The following DGKH variants were observed in gnomAD, a reference collection of about 807,000 sequenced individuals.
The protein encoded by DGKH is diacylglycerol kinase eta.
In DGKH, 90 loss-of-function variants were observed where a neutral mutation model predicts 159.3. The ratio of observed to expected loss-of-function variants is 0.57; its 90% CI spans 0.48 to 0.67. The LOEUF (loss-of-function observed/expected upper bound fraction) is 0.67. Ranked by LOEUF, DGKH falls within the 30% of genes least tolerant of loss-of-function variation. DGKH has a pLI of 0.00. For missense variants in DGKH, 1,181 were observed against 1,506.1 expected, an observed-to-expected ratio of 0.78 and a Z score of 3.57; for synonymous variants, 536 against 553.8, an observed-to-expected ratio of 0.97 and a Z score of 0.45.
chr13:42,179,650 C>T (rs966353156), intron 13 of DGKH, among the ~76,000 whole-genome samples: 3 of 151,828 alleles, frequency 2.0e-5, no homozygotes, highest in African/African-American at 4.8e-5. Context: ...TGTGGTGGTG[C>T]TTGCCTGTAG....
intron 1 of DGKH, among the ~76,000 whole-genome samples, chr13:42,103,430 A>G (rs915579054): frequency 1.3e-5 from 2 of 152,224 alleles, no homozygotes; most frequent in African/African-American, 4.8e-5. Flanking sequence ...CAGTTAACAA[A>G]AAAACCCACA....
At chr13:42,127,400 CTGAATTTCATTTGGTTT>C in intron 1 of DGKH, 46 bp from the exon 2 acceptor site, 1 of 1,216,350 alleles carries the variant, frequency 8.2e-7, no homozygotes, top group East Asian at 2.4e-5. Flanking sequence ...ACCATTGGCT[CTGAATTTCATTTGGTTT>C]TGAATTTCAT....
At chr13:42,049,851 G>T (rs778896917) in intron 1 of DGKH, among the ~76,000 whole-genome samples, 1 of 152,202 alleles carries the variant, frequency 6.6e-6, no homozygotes, top group Non-Finnish European at 1.5e-5. Context: ...GGATATTAAA[G>T]GATTTTTATG....
In DGKH at chr13:42,172,052, T is replaced by C. The variant is rs566529377; in HGVS notation, c.1368-2008T>C. ...ACCATGTTAGCCAGGATGGTCTTGATCTCCTGACCTCGTGATCCGCCCGCC... is the reference window on the plus strand; with the variant it reads ...ACCATGTTAGCCAGGATGGTCTTGACCTCCTGACCTCGTGATCCGCCCGCC... On this transcript the variant is annotated intron_variant, in intron 11 of 29. Coordinates refer to ENST00000337343, the MANE Select transcript of DGKH (RefSeq NM_178009.5). Among the ~76,000 whole-genome samples the C allele has an allele frequency of 6.2e-4, 94 of 152,024 alleles. 1 individual carries two copies. The highest frequency in any genetic ancestry group is 2.1e-3 in the African/African-American group (86 of 41,462).
upstream of DGKH, among the ~76,000 whole-genome samples, chr13:42,048,347 G>A (rs969512193): frequency 6.6e-6 from 1 of 152,080 alleles, no homozygotes; most frequent in Non-Finnish European, 1.5e-5. The surrounding 1 kb of genome is among the most constrained non-coding windows in gnomAD (Gnocchi z 6.7). Context: ...GGGTGTGCGG[G>A]CATCGCCACT....
At chr13:42,096,512 C>T (rs1954539994) in intron 1 of DGKH, among the ~76,000 whole-genome samples, 1 of 152,098 alleles carries the variant, frequency 6.6e-6, no homozygotes, top group South Asian at 2.1e-4. Context: ...TGGGATGATT[C>T]CATGTTTTTG....
chr13:42,181,739 A>T (rs967319951), intron 13 of DGKH: 3 of 776,280 alleles, frequency 3.9e-6, no homozygotes, highest in Non-Finnish European at 5.7e-6. Flanking sequence ...CGCCAGCTGC[A>T]GTGGTTGCCA....
Position 42,237,138 on chromosome 13 carries a change from C to T in DGKH, c.*7950C>T, listed in dbSNP as rs1029446154. Reference sequence around the variant, plus strand: ...AAAAATTTAAAACATAATGGCACAACATACGACACAGAATAAAACACATGT... The same window carrying T: ...AAAAATTTAAAACATAATGGCACAATATACGACACAGAATAAAACACATGT... On this transcript the variant is annotated 3_prime_UTR_variant, in exon 30 of 30. Transcript: ENST00000337343. 6.6e-6 allele frequency: 1 copy of T among 152,176 alleles called. No individual in the cohort carries two copies. The highest frequency in any genetic ancestry group is 2.4e-5 in the African/African-American group (1 of 41,444). The allele number at this position is 152,176 out of a possible 1,614,324, so 9.4% of individuals were successfully genotyped here.
At chr13:42,096,178 A>G (rs1372380580) in intron 1 of DGKH, among the ~76,000 whole-genome samples, 2 of 151,876 alleles carry the variant, frequency 1.3e-5, no homozygotes, top group Admixed American at 6.6e-5. Flanking sequence ...GGTTTGGAGT[A>G]TGAGTGATCC....
rs551625419 is a variant in DGKH, at chr13:42,197,103, A to G, written c.2168-1375A>G. Among the ~76,000 whole-genome samples, 8 of 152,042 alleles carry G rather than the reference A, an allele frequency of 5.3e-5. No individual in the cohort carries two copies. The South Asian group carries it at 1.3e-3, about 24-fold the overall frequency. On this transcript the variant is annotated intron_variant, in intron 17 of 29. Coordinates refer to ENST00000337343, the MANE Select transcript of DGKH (RefSeq NM_178009.5). ...CGTCTCTACTAAAAATACAAAAATT[A>G]GCCAGGCATGCTGGCTCACCCCTTT...
chr13:42,181,281 A>AG (rs1440791219), intron 13 of DGKH, among the ~76,000 whole-genome samples: 194 of 126,288 alleles, frequency 1.5e-3, no homozygotes, highest in African/African-American at 8.8e-3. Context: ...TGTCTCAAAA[A>AG]AAAAAAAAAA....
chr13:42,253,168 C>T (rs1228020519), intron 30 of DGKH, among the ~76,000 whole-genome samples: 1 of 152,064 alleles, frequency 6.6e-6, no homozygotes, highest in Non-Finnish European at 1.5e-5. Flanking sequence ...GTTTGTGTCC[C>T]CCTAAAATTC....
chr13:42,117,716 T>C (rs1954989880), intron 1 of DGKH, among the ~76,000 whole-genome samples: 1 of 152,160 alleles, frequency 6.6e-6, no homozygotes, highest in African/African-American at 2.4e-5. Flanking sequence ...TTATGTAAGA[T>C]TTGAAGAATG....
intron 8 of DGKH, among the ~76,000 whole-genome samples, chr13:42,166,096 C>A (rs941110933): frequency 2.0e-5 from 3 of 152,192 alleles, no homozygotes; most frequent in Non-Finnish European, 4.4e-5. Context: ...GCATTGATAT[C>A]ATGCCTTATG....
At chr13:42,095,815 G>T (rs981127630) in intron 1 of DGKH, among the ~76,000 whole-genome samples, 9 of 152,120 alleles carry the variant, frequency 5.9e-5, no homozygotes, top group Admixed American at 2.0e-4. Context: ...AACCTGACTT[G>T]TTCACTAGTT....
Position 42,236,641 on chromosome 13 carries a change from C to G in DGKH, c.*7453C>G, listed in dbSNP as rs906120242. The G allele has an allele frequency of 1.3e-5, 2 of 152,146 alleles. No individual in the cohort carries two copies. Among genetic ancestry groups the G allele is most frequent in the African/African-American group, 4.8e-5 (2 of 41,430 alleles). The allele number at this position is 152,146 out of a possible 1,614,324, so 9.4% of individuals were successfully genotyped here. A position where few individuals can be genotyped will look rare whatever the true frequency, so the allele number is the denominator to read the frequency against. ...CAAATGAACATTAGGAATCTTGAAC[C>G]ATGGCTGAGCGCTGTTGCTCAGGCC... On this transcript the variant is annotated 3_prime_UTR_variant, in exon 30 of 30. Coordinates refer to ENST00000337343, the MANE Select transcript of DGKH (RefSeq NM_178009.5).
chr13:42,168,571 G>A (rs1358226917), intron 10 of DGKH, 23 bp downstream of exon 10: 1 of 1,613,608 alleles, frequency 6.2e-7, no homozygotes, highest in Non-Finnish European at 8.5e-7. Context: ...TCTTTTACTT[G>A]CTAGTTAACA....
In DGKH at chr13:42,237,750, C is replaced by T. The variant is rs982758767; in HGVS notation, c.*8562C>T. The T allele has an allele frequency of 2.0e-5, 3 of 152,186 alleles. No individual in the cohort carries two copies. The highest frequency in any genetic ancestry group is 4.4e-5 in the Non-Finnish European group (3 of 68,040). The allele number at this position is 152,186 out of a possible 1,614,324, so 9.4% of individuals were successfully genotyped here. The stretch of plus-strand genomic sequence containing the variant: ...CCACACAAGGGTTTATGATGTGGGG[C>T]AAATATCTGTGCTTTCTCATCTCAG... On this transcript the variant is annotated 3_prime_UTR_variant, in exon 30 of 30. Coordinates refer to ENST00000337343, the MANE Select transcript of DGKH (RefSeq NM_178009.5).
At chr13:42,180,885 T>C (rs1266869214) in intron 13 of DGKH, among the ~76,000 whole-genome samples, 1 of 152,204 alleles carries the variant, frequency 6.6e-6, no homozygotes, top group Non-Finnish European at 1.5e-5. Context: ...ATTCCAGTTA[T>C]CTCACAAACA....
Sources: allele counts gnomAD v4.1 joint callset (sites outside exome capture counted in the v4.1 genomes callset), GRCh38; gene constraint gnomAD v4.1.1; non-coding constraint Gnocchi (gnomAD v3.1); transcripts MANE v1.5; gene names NCBI Gene and HGNC (gene_info 2026-07-23, HGNC 2026-07-21).